CHRM3: variants seen among roughly 807,000 people sequenced by gnomAD.
The protein encoded by CHRM3 is muscarinic acetylcholine receptor M3.
In CHRM3, 11 loss-of-function variants were observed where a neutral mutation model predicts 41.8. That is an observed-to-expected ratio of 0.26 (90% CI 0.17 to 0.44). CHRM3 has a LOEUF of 0.44. CHRM3 is among the 20% of genes least tolerant of loss of function. The probability of loss-of-function intolerance (pLI) is 1.00; values close to 1 mark genes in which losing one functional copy is unlikely to be tolerated. For missense variants in CHRM3, 571 were observed against 745.4 expected, an observed-to-expected ratio of 0.77 and a Z score of 2.72; for synonymous variants, 297 against 301.4, an observed-to-expected ratio of 0.99 and a Z score of 0.15.
chr1:239,387,709 T>G lies in CHRM3; in HGVS notation c.-521+482T>G, dbSNP rs562654475. ...TCTCCCATCTCCCCATTTGGTTTCCTGTCATTTCTAAGAAGGCTAAAGCTG... is the reference window on the plus strand; with the variant it reads ...TCTCCCATCTCCCCATTTGGTTTCCGGTCATTTCTAAGAAGGCTAAAGCTG... On this transcript the variant is annotated intron_variant, in intron 1 of 6. Coordinates refer to ENST00000676153, the MANE Select transcript of CHRM3 (RefSeq NM_001375978.1). The surrounding 1 kb of genome is among the most constrained non-coding windows in gnomAD (Gnocchi z 5.1). Among the ~76,000 whole-genome samples, 4 of 152,192 alleles carry G rather than the reference T, an allele frequency of 2.6e-5. No individual in the cohort carries two copies. Among genetic ancestry groups the G allele is most frequent in the Non-Finnish European group, 5.9e-5 (4 of 68,032 alleles).
At position 239,623,216 on chromosome 1, in the gene CHRM3, A is replaced by C. The variant is rs1043862610; in HGVS notation, c.-312-9008A>C. ...GCCATGTTGGTGTGCTGCACCCTTAAATCGTCATTTACATTAGGTATATCT... is the reference window on the plus strand; with the variant it reads ...GCCATGTTGGTGTGCTGCACCCTTACATCGTCATTTACATTAGGTATATCT... On this transcript the variant is annotated intron_variant, in intron 3 of 6. Coordinates refer to ENST00000676153, the MANE Select transcript of CHRM3 (RefSeq NM_001375978.1). 4.0e-5 allele frequency among the ~76,000 whole-genome samples: 6 copies of C among 150,738 alleles called. No homozygotes were observed. The East Asian group carries it at 1.2e-3, about 30-fold the overall frequency.
intron 5 of CHRM3, chr1:239,720,038 C>T (rs1258763895): frequency 6.6e-6 from 1 of 151,924 alleles, no homozygotes; most frequent in African/African-American, 2.4e-5. Flanking sequence ...GAACTAGGAA[C>T]TGGGCACTAA....
intron 2 of CHRM3, among the ~76,000 whole-genome samples, chr1:239,514,868 C>A (rs1026308852): frequency 6.6e-6 from 1 of 152,016 alleles, no homozygotes; most frequent in Non-Finnish European, 1.5e-5. Context: ...ACAAGAGATA[C>A]TTTATTTGGA....
chr1:239,801,551 T>C (rs1480980034), intron 5 of CHRM3, among the ~76,000 whole-genome samples: 14 of 152,350 alleles, frequency 9.2e-5, no homozygotes, highest in East Asian at 1.9e-4. Flanking sequence ...AGATTAGCTG[T>C]GTTTTCTGTT....
intron 2 of CHRM3, among the ~76,000 whole-genome samples, chr1:239,529,332 C>T (rs147026834): frequency 0.012 from 1,872 of 151,690 alleles, 31 homozygotes; most frequent in South Asian, 0.041. Flanking sequence ...CCTTTTTGGC[C>T]GGGCATGGTG....
At chr1:239,800,283 T>G (rs1670106114) in intron 5 of CHRM3, among the ~76,000 whole-genome samples, 1 of 152,136 alleles carries the variant, frequency 6.6e-6, no homozygotes, top group South Asian at 2.1e-4. Context: ...CAATGACTGG[T>G]TCTGGTTCCA....
intron 3 of CHRM3, among the ~76,000 whole-genome samples, chr1:239,629,892 T>G (rs1223674027): frequency 6.6e-6 from 1 of 152,206 alleles, no homozygotes; most frequent in Non-Finnish European, 1.5e-5. Flanking sequence ...ATTGCCAATC[T>G]TAGTTTGATT....
chr1:239,786,691 G>GT (rs1668925537), intron 5 of CHRM3, among the ~76,000 whole-genome samples: 1 of 151,668 alleles, frequency 6.6e-6, no homozygotes, highest in African/African-American at 2.4e-5. Context: ...ACACCGCAGG[G>GT]TGCCGAGGGC....
intron 2 of CHRM3, among the ~76,000 whole-genome samples, chr1:239,523,183 C>T (rs1669769953): frequency 6.6e-6 from 1 of 152,016 alleles, no homozygotes; most frequent in Non-Finnish European, 1.5e-5. Context: ...TACACATGCA[C>T]ATAGAATGTA....
chr1:239,530,149 C>A (rs375308985), intron 2 of CHRM3, among the ~76,000 whole-genome samples: 2 of 152,048 alleles, frequency 1.3e-5, no homozygotes, highest in African/African-American at 2.4e-5. Context: ...GTGATCTGCC[C>A]GCCTCGGCCT....
chr1:239,561,702 ATAAT>A (rs1420852765), intron 3 of CHRM3, among the ~76,000 whole-genome samples: 13 of 152,140 alleles, frequency 8.5e-5, no homozygotes, highest in African/African-American at 2.6e-4. Flanking sequence ...AATATTACTG[ATAAT>A]TAATAATTGT....
At chr1:239,791,703 A>AAAAGG (rs1669364416) in intron 5 of CHRM3, among the ~76,000 whole-genome samples, 1 of 152,200 alleles carries the variant, frequency 6.6e-6, no homozygotes, top group South Asian at 2.1e-4. Context: ...AAAAGAAAAG[A>AAAAGG]AAAGAAAGAA....
rs144282937 is a variant in CHRM3 at position 239,557,063 on chromosome 1, C to T, written c.-313+11314C>T. 3.5e-3 allele frequency among the ~76,000 whole-genome samples: 526 copies of T among 152,228 alleles called. 4 individuals carry two copies. Among genetic ancestry groups the T allele is most frequent in the African/African-American group, 0.012 (502 of 41,552 alleles). On this transcript the variant is annotated intron_variant, in intron 3 of 6. Transcript: ENST00000676153. ...CATGGGGCTAAGAGACCCTCCAGGG[C>T]TCTGCTGAGAAGTGTAAAAGCCTAC... is the stretch of plus-strand genomic sequence containing the variant.
intron 3 of CHRM3, among the ~76,000 whole-genome samples, chr1:239,548,479 G>A (rs1659501612): frequency 6.6e-6 from 1 of 152,194 alleles, no homozygotes; most frequent in African/African-American, 2.4e-5. Context: ...TTATAATTCA[G>A]ATTAAAATGT....
At chr1:239,453,644 T>C (rs1397345046) in intron 1 of CHRM3, among the ~76,000 whole-genome samples, 1 of 152,228 alleles carries the variant, frequency 6.6e-6, no homozygotes, top group Non-Finnish European at 1.5e-5. Context: ...CGTAGGTATA[T>C]ATTATGCATT....
In CHRM3 at chr1:239,910,863, C is replaced by T. The variant is rs566297392; in HGVS notation, c.*1639C>T. 5 of 167,140 alleles carry T rather than the reference C, an allele frequency of 3.0e-5. No homozygotes were observed. In the South Asian group the frequency reaches 6.2e-4, roughly 21 times the overall value. 10.4% of individuals were successfully genotyped at this position (167,140 alleles called of 1,614,324 possible). A position where few individuals can be genotyped will look rare whatever the true frequency, so the allele number is the denominator to read the frequency against. Reference sequence around the variant, plus strand: ...TTCAGTGTGAGGTGGTGTTTACAGACGACTTTGACAACAGTAGAAGTGTAC... The same window carrying T: ...TTCAGTGTGAGGTGGTGTTTACAGATGACTTTGACAACAGTAGAAGTGTAC... On this transcript the variant is annotated 3_prime_UTR_variant, in exon 7 of 7. Coordinates refer to ENST00000676153, the MANE Select transcript of CHRM3 (RefSeq NM_001375978.1).
intron 1 of CHRM3, among the ~76,000 whole-genome samples, chr1:239,455,859 C>T (rs1463649643): frequency 6.6e-6 from 1 of 152,006 alleles, no homozygotes; most frequent in Non-Finnish European, 1.5e-5. Flanking sequence ...CTGTAATGTC[C>T]CAGGCCTTCA....
intron 6 of CHRM3, among the ~76,000 whole-genome samples, chr1:239,840,970 G>A (rs79448498): frequency 0.013 from 1,915 of 152,260 alleles, 24 homozygotes; most frequent in East Asian, 0.063. Context: ...CAAACACTGA[G>A]GAAGTGTCAT....
intron 5 of CHRM3, among the ~76,000 whole-genome samples, chr1:239,743,835 C>G (rs1665101755): frequency 7.4e-6 from 1 of 135,468 alleles, no homozygotes; most frequent in South Asian, 2.4e-4. Context: ...TTCTGTCACC[C>G]AGACTAGAGT....
Sources: allele counts gnomAD v4.1 joint callset (sites outside exome capture counted in the v4.1 genomes callset), GRCh38; gene constraint gnomAD v4.1.1; non-coding constraint Gnocchi (gnomAD v3.1); transcripts MANE v1.5; gene names NCBI Gene and HGNC (gene_info 2026-07-23, HGNC 2026-07-21).